SGSM2: variants seen among roughly 807,000 people sequenced by gnomAD.
The protein encoded by SGSM2 is RUN and TBC1 domain containing 1.
In SGSM2, 89 loss-of-function variants were observed where a neutral mutation model predicts 126.6. That is an observed-to-expected ratio of 0.70 (90% CI 0.59 to 0.84). SGSM2 has a LOEUF of 0.84. SGSM2 is among the 40% of genes least tolerant of loss of function. The pLI is 0.00. For synonymous variants in SGSM2, 614 were observed against 574.3 expected, an observed-to-expected ratio of 1.07 and a Z score of -0.99; for missense variants, 1,404 against 1,416.6, an observed-to-expected ratio of 0.99 and a Z score of 0.14.
rs1162832327 is a variant in SGSM2, at chr17:2,372,673, G to A, written c.1788+185G>A. ...GCTGACACGGGAAGGGGGCTGGACT[G>A]GGAAGCCGTCCTGCCTCCACATCGC... On this transcript the variant is annotated intron_variant, in intron 15 of 23. Transcript: ENST00000268989. This position sits in a 1 kb window ranked among gnomAD's most constrained non-coding sequence, Gnocchi z 6.0. 9 of 926,240 alleles carry A rather than the reference G, an allele frequency of 9.7e-6. No individual in the cohort carries two copies. In the African/African-American group the frequency reaches 1.0e-4, roughly 10 times the overall value. 57.4% of individuals were successfully genotyped at this position (926,240 alleles called of 1,614,324 possible).
At chr17:2,350,256 A>G (rs941852972) in intron 2 of SGSM2, among the ~76,000 whole-genome samples, 1 of 151,900 alleles carries the variant, frequency 6.6e-6, no homozygotes, top group African/African-American at 2.4e-5. Context: ...AGTATCTAAT[A>G]GGGAAAAATT....
At position 2,337,815 on chromosome 17, in the gene SGSM2, G is replaced by A; in HGVS notation, c.57+70G>A. 8.0e-7 allele frequency: 1 copy of A among 1,243,036 alleles called. No homozygotes were observed. The highest frequency in any genetic ancestry group is 1.1e-6 in the Non-Finnish European group (1 of 936,794). 77.0% of individuals were successfully genotyped at this position (1,243,036 alleles called of 1,614,324 possible). On this transcript the variant is annotated intron_variant, in intron 1 of 23. Transcript: ENST00000268989. This position sits in a 1 kb window ranked among gnomAD's most constrained non-coding sequence, Gnocchi z 5.1. ...CGCGGCCCAGGGGGCAGAAAGGTCC[G>A]CGCCCACCCCCCGGCGCGGGCACCC...
intron 22 of SGSM2, 27 bp from the exon 23 acceptor site, chr17:2,379,009 T>G (rs764893787): frequency 6.2e-7 from 1 of 1,604,046 alleles, no homozygotes. Context: ...CTAGGACGGG[T>G]GAGCAGCAGC....
chr17:2,378,414 A>G (rs1341169668), intron 22 of SGSM2, among the ~76,000 whole-genome samples: 3 of 152,136 alleles, frequency 2.0e-5, no homozygotes, highest in Admixed American at 6.5e-5. Flanking sequence ...CGTCTCTACT[A>G]AAAATACAAA....
At position 2,363,369 on chromosome 17, in the gene SGSM2, G is replaced by A; in HGVS notation, c.673-96G>A. The A allele has an allele frequency of 1.3e-6, 2 of 1,566,656 alleles. No homozygotes were observed. The highest frequency in any genetic ancestry group is 1.7e-6 in the Non-Finnish European group (2 of 1,157,692). On this transcript the variant is annotated intron_variant, in intron 6 of 23. Transcript: ENST00000268989. The surrounding 1 kb of genome is among the most constrained non-coding windows in gnomAD (Gnocchi z 4.2). ...AAACCGGGGCAGGAAGGACCCCTGGGGTCAGCTGGAGAGGGTCAGCATGGA... is the reference window on the plus strand; with the variant it reads ...AAACCGGGGCAGGAAGGACCCCTGGAGTCAGCTGGAGAGGGTCAGCATGGA...
intron 2 of SGSM2, among the ~76,000 whole-genome samples, chr17:2,349,944 C>T (rs1271904189): frequency 2.6e-5 from 4 of 152,014 alleles, no homozygotes; most frequent in African/African-American, 9.7e-5. Flanking sequence ...CCCACCACCA[C>T]GCTCGGCTAA....
At chr17:2,379,345 G>C (rs772127376) in intron 23 of SGSM2, 87 bp from the exon 24 acceptor site, 1 of 1,567,074 alleles carries the variant, frequency 6.4e-7, no homozygotes, top group Non-Finnish European at 8.7e-7. Flanking sequence ...TAGCAGAGCA[G>C]ATGGAAACAG....
chr17:2,375,349 C>A, intron 17 of SGSM2, 143 bp from the exon 18 acceptor site: 1 of 1,047,156 alleles, frequency 9.5e-7, no homozygotes, highest in Non-Finnish European at 1.3e-6. Flanking sequence ...TGGCTTGGTG[C>A]CCCGTGGCCA....
chr17:2,380,518 T>G lies in SGSM2; in HGVS notation c.*998T>G. On this transcript the variant is annotated 3_prime_UTR_variant, in exon 24 of 24. Transcript: ENST00000268989. ...ATCTGTCCCTGGTGAGAAGCAAGGCTAGCTCTGCCTTCCACATGCTTCTCA... is the reference window on the plus strand; with the variant it reads ...ATCTGTCCCTGGTGAGAAGCAAGGCGAGCTCTGCCTTCCACATGCTTCTCA... 1 of 596,866 alleles carries G rather than the reference T, an allele frequency of 1.7e-6. No homozygotes were observed. The highest frequency in any genetic ancestry group is 3.0e-6 in the Non-Finnish European group (1 of 334,334). 37.0% of individuals were successfully genotyped at this position (596,866 alleles called of 1,614,324 possible).
intron 13 of SGSM2, 22 bp downstream of exon 13, chr17:2,371,437 C>A (rs1331890608): frequency 1.9e-6 from 3 of 1,571,332 alleles, no homozygotes; most frequent in Non-Finnish European, 1.7e-6. Flanking sequence ...GCGCTCGGCC[C>A]CAGCTTCCCG....
At chr17:2,344,517 A>C (rs535254575) in intron 2 of SGSM2, among the ~76,000 whole-genome samples, 42 of 152,268 alleles carry the variant, frequency 2.8e-4, no homozygotes, top group African/African-American at 1.0e-3. Flanking sequence ...CCTTCCCCTC[A>C]TCCAGCAGCA....
chr17:2,372,309 C>T lies in SGSM2; in HGVS notation c.1643-34C>T. The T allele has an allele frequency of 1.2e-6, 2 of 1,609,824 alleles. No individual in the cohort carries two copies. Among genetic ancestry groups the T allele is most frequent in the Non-Finnish European group, 1.7e-6 (2 of 1,178,244 alleles). On this transcript the variant is annotated intron_variant, in intron 14 of 23. Transcript: ENST00000268989. The surrounding 1 kb of genome is among the most constrained non-coding windows in gnomAD (Gnocchi z 6.0). ...GGCTGGGGGCGGGCGGCCCTGGGTC[C>T]CAGCCTCCTGCTGCCCACCGCTGCC...
At position 2,372,099 on chromosome 17, in the gene SGSM2, C is replaced by G; in HGVS notation, c.1578-91C>G. The G allele has an allele frequency of 6.7e-7, 1 of 1,483,534 alleles. No individual in the cohort carries two copies. The allele number at this position is 1,483,534 out of a possible 1,614,324, so 91.9% of individuals were successfully genotyped here. On this transcript the variant is annotated intron_variant, in intron 13 of 23. Coordinates refer to ENST00000268989, the MANE Select transcript of SGSM2 (RefSeq NM_014853.3). The surrounding 1 kb of genome is among the most constrained non-coding windows in gnomAD (Gnocchi z 6.0). ...CCTCGCACCCTCCCCAGTGCCTTAC[C>G]TGCCCCCCAGGACAGAGCCTCCTCC... is the stretch of plus-strand genomic sequence containing the variant.
chr17:2,376,225 C>T lies in SGSM2; in HGVS notation c.2573C>T (p.Pro858Leu). ...RCDRNYWYFT[P>L]PNLERLRDVM... ...GACCGCAACTACTGGTACTTCACGC[C>T]CCCCAACCTCGAGAGGCTCAGAGAC... Residue 858 changes from proline to leucine, a missense_variant, in exon 19 of 24, where the codon CCC (proline) becomes CTC (leucine). Pro to Leu is a moderately conservative substitution (Grantham distance 98). Transcript: ENST00000268989. 1 of 1,614,014 alleles carries T rather than the reference C, an allele frequency of 6.2e-7. No individual in the cohort carries two copies. Among genetic ancestry groups the T allele is most frequent in the Non-Finnish European group, 8.5e-7 (1 of 1,180,014 alleles).
At position 2,375,816 on chromosome 17, in the gene SGSM2, C is replaced by CAGGCCGGAGAACTGG. The variant is rs1370852207; in HGVS notation, c.2436_2450dup (p.Leu813_Glu817dup). 1 of 1,558,486 alleles carries CAGGCCGGAGAACTGG rather than the reference C, an allele frequency of 6.4e-7. No homozygotes were observed. Among genetic ancestry groups the CAGGCCGGAGAACTGG allele is most frequent in the Non-Finnish European group, 8.7e-7 (1 of 1,153,240 alleles). On this transcript the variant is annotated inframe_insertion, in exon 18 of 24. Coordinates refer to ENST00000268989, the MANE Select transcript of SGSM2 (RefSeq NM_014853.3). ...CCAGGATCCCAGCCAGGAGAAGCCT[C>CAGGCCGGAGAACTGG]AGGCCGGAGAACTGGAGGCCGGAGA...
At chr17:2,378,478 C>T (rs1028736054) in intron 22 of SGSM2, among the ~76,000 whole-genome samples, 1 of 150,796 alleles carries the variant, frequency 6.6e-6, no homozygotes, top group Non-Finnish European at 1.5e-5. Flanking sequence ...TTATGGTGAG[C>T]TGAGATTGTG....
At chr17:2,375,395 A>T in intron 17 of SGSM2, 97 bp from the exon 18 acceptor site, 1 of 1,446,322 alleles carries the variant, frequency 6.9e-7, no homozygotes, top group Non-Finnish European at 9.3e-7. Flanking sequence ...GGGGGTGTGA[A>T]GAGTTTTGCA....
rs1042490316 is a variant in SGSM2 at position 2,380,234 on chromosome 17, C to T, written c.*714C>T. 4 of 1,536,076 alleles carry T rather than the reference C, an allele frequency of 2.6e-6. No individual in the cohort carries two copies. The highest frequency in any genetic ancestry group is 2.0e-5 in the Admixed American group (1 of 50,998). ...CTCTGTGTATCTGTACAGCCTCGCTCCTGCCACCCCACCCTTGCGTTCTGC... is the reference window on the plus strand; with the variant it reads ...CTCTGTGTATCTGTACAGCCTCGCTTCTGCCACCCCACCCTTGCGTTCTGC... On this transcript the variant is annotated 3_prime_UTR_variant, in exon 24 of 24. Transcript: ENST00000268989.
Position 2,362,696 on chromosome 17 carries a change from C to T in SGSM2, c.459-142C>T, listed in dbSNP as rs529368811. ...GGCATTGGCCATACCAGGCACCTCA[C>T]GAAGCCCAGTCCCTAAGGACTCACT... is the stretch of plus-strand genomic sequence containing the variant. On this transcript the variant is annotated intron_variant, in intron 4 of 23. Coordinates refer to ENST00000268989, the MANE Select transcript of SGSM2 (RefSeq NM_014853.3). This position sits in a 1 kb window ranked among gnomAD's most constrained non-coding sequence, Gnocchi z 4.9. The T allele has an allele frequency of 1.4e-5, 12 of 836,806 alleles. No individual in the cohort carries two copies. The East Asian group carries it at 1.6e-4, about 11-fold the overall frequency. The allele number at this position is 836,806 out of a possible 1,614,324, so 51.8% of individuals were successfully genotyped here. A position where few individuals can be genotyped will look rare whatever the true frequency, so the allele number is the denominator to read the frequency against.
Sources: gnomAD v4.1 joint callset for allele counts (sites outside exome capture counted in the v4.1 genomes callset) on GRCh38, gnomAD v4.1.1 for gene constraint, Gnocchi (gnomAD v3.1) non-coding constraint, MANE v1.5 for transcripts, NCBI Gene and HGNC (gene_info 2026-07-23, HGNC 2026-07-21) for gene names.